The following TBC1D30 variants were observed in gnomAD, a reference collection of about 807,000 sequenced individuals.
TBC1D30 encodes the protein TBC1 domain family, member 30.
TBC1D30 carries 31 observed loss-of-function variants against 63.2 expected under a neutral mutation model. The ratio of observed to expected loss-of-function variants is 0.49; its 90% CI spans 0.37 to 0.66. TBC1D30 has a LOEUF of 0.66. Among genes scored for constraint, TBC1D30 ranks in the 30% least tolerant of loss-of-function variants. The pLI, the probability that TBC1D30 is intolerant of heterozygous loss-of-function variation, is 0.00. For synonymous variants in TBC1D30, 307 were observed against 361.5 expected (o/e 0.85, Z 1.71); for missense variants, 810 against 953.6 (o/e 0.85, Z 1.98).
intron 2 of TBC1D30, among the ~76,000 whole-genome samples, chr12:64,807,408 T>G (rs1296895210): frequency 6.6e-6 from 1 of 152,178 alleles, no homozygotes; most frequent in African/African-American, 2.4e-5. Context: ...TGGAGAGTTG[T>G]TGTTTAATGT....
At chr12:64,790,683 T>A (rs1205423036) in intron 2 of TBC1D30, among the ~76,000 whole-genome samples, 13 of 152,248 alleles carry the variant, frequency 8.5e-5, no homozygotes, top group Non-Finnish European at 1.9e-4. Context: ...GATAATAATG[T>A]GATTAAATCT....
chr12:64,778,637 A>C (rs1182181629), upstream of TBC1D30, among the ~76,000 whole-genome samples: 1 of 146,316 alleles, frequency 6.8e-6, no homozygotes, highest in Non-Finnish European at 1.5e-5. Flanking sequence ...GCTCACTGCA[A>C]CCTCCGCCTC....
intron 2 of TBC1D30, among the ~76,000 whole-genome samples, chr12:64,812,503 C>G (rs1417922124): frequency 6.6e-6 from 1 of 152,140 alleles, no homozygotes; most frequent in African/African-American, 2.4e-5. Flanking sequence ...TAAGCCACAA[C>G]TGGAAGAATT....
chr12:64,759,507 G>T (rs866452275), exon 1 of TBC1D30: 6 of 506,128 alleles, frequency 1.2e-5, no homozygotes, highest in South Asian at 6.4e-5. Flanking sequence ...GACTGGCGCA[G>T]CCTGGAGGGA....
In TBC1D30 at chr12:64,875,758, C is replaced by T. The variant is rs746624337; in HGVS notation, c.2256C>T (p.Gly752=). 56 of 1,532,264 alleles carry T rather than the reference C, an allele frequency of 3.7e-5. No homozygotes were observed. The highest frequency in any genetic ancestry group is 1.7e-4 in the Middle Eastern group (1 of 5,972). The allele number at this position is 1,532,264 out of a possible 1,614,324, so 94.9% of individuals were successfully genotyped here. The change falls in exon 12 of 12, where the codon GGC becomes GGT. Residue 752 remains glycine (G), a synonymous_variant. Coordinates refer to ENST00000539867, the MANE Select transcript of TBC1D30 (RefSeq NM_015279.2). ...PQMSRSFSKP[G]GGNSGTKKR is the part of the protein sequence containing the mutation. ...TGAGTAGGAGCTTCAGCAAACCCGG[C>T]GGTGGAAACAGTGGCACTAAAAAAC...
At chr12:64,838,182 A>G (rs1875535620) in intron 6 of TBC1D30, among the ~76,000 whole-genome samples, 2 of 152,220 alleles carry the variant, frequency 1.3e-5, no homozygotes, top group Admixed American at 1.3e-4. Flanking sequence ...GGGATTTGCC[A>G]GCTATCTTTC....
chr12:64,763,853 C>T (rs1048521780), intron 1 of TBC1D30, among the ~76,000 whole-genome samples: 4 of 152,172 alleles, frequency 2.6e-5, no homozygotes, highest in African/African-American at 9.7e-5. Flanking sequence ...TGGTCTTGAA[C>T]TCCTGACCTC....
At chr12:64,866,263 G>A (rs1470115523) in intron 9 of TBC1D30, among the ~76,000 whole-genome samples, 1 of 152,144 alleles carries the variant, frequency 6.6e-6, no homozygotes, top group Non-Finnish European at 1.5e-5. Flanking sequence ...AAAGCATGTA[G>A]TCATATTTGC....
In TBC1D30 at chr12:64,873,976, C is replaced by G. The variant is rs543935774; in HGVS notation, c.1499-1025C>G. 3.9e-5 allele frequency among the ~76,000 whole-genome samples: 6 copies of G among 152,308 alleles called. No homozygotes were observed. In the South Asian group the frequency reaches 8.3e-4, roughly 21 times the overall value. On this transcript the variant is annotated intron_variant, in intron 11 of 11. Coordinates refer to ENST00000539867, the MANE Select transcript of TBC1D30 (RefSeq NM_015279.2). ...TTCTCCCTACAATTTCTGTCTGCAG[C>G]TGCCATCCTGGGACCATGTGTGTTG...
intron 2 of TBC1D30, among the ~76,000 whole-genome samples, chr12:64,806,632 A>G (rs1000948789): frequency 9.2e-5 from 14 of 152,204 alleles, no homozygotes; most frequent in African/African-American, 3.1e-4. Flanking sequence ...TCCTCAAAAA[A>G]TAAAAATAGA....
intron 2 of TBC1D30, among the ~76,000 whole-genome samples, chr12:64,813,463 T>C (rs1172881150): frequency 6.6e-6 from 1 of 152,166 alleles, no homozygotes; most frequent in African/African-American, 2.4e-5. Flanking sequence ...ATTTTCTGGA[T>C]GAGGAAACTG....
chr12:64,831,036 G>A (rs1210176043), intron 4 of TBC1D30, among the ~76,000 whole-genome samples: 3 of 152,180 alleles, frequency 2.0e-5, no homozygotes, highest in Non-Finnish European at 4.4e-5. Context: ...TAAAAGCCAA[G>A]GATACTGATT....
At chr12:64,863,407 C>T (rs942137166) in intron 8 of TBC1D30, among the ~76,000 whole-genome samples, 3 of 152,152 alleles carry the variant, frequency 2.0e-5, no homozygotes, top group Non-Finnish European at 4.4e-5. Flanking sequence ...TTTCTTGGGG[C>T]ACAGTTTATT....
chr12:64,787,732 T>A (rs1043155144), intron 2 of TBC1D30, among the ~76,000 whole-genome samples: 2 of 152,178 alleles, frequency 1.3e-5, no homozygotes, highest in Admixed American at 1.3e-4. Context: ...TTTTACCTAA[T>A]AGATATTAAC....
chr12:64,843,766 C>G (rs1876109930), intron 8 of TBC1D30, among the ~76,000 whole-genome samples: 1 of 152,078 alleles, frequency 6.6e-6, no homozygotes, highest in African/African-American at 2.4e-5. Flanking sequence ...ACAAAATCAC[C>G]AAGTGCTTAT....
chr12:64,859,168 G>GGA (rs1329420946), intron 8 of TBC1D30, among the ~76,000 whole-genome samples: 2 of 151,960 alleles, frequency 1.3e-5, no homozygotes, highest in African/African-American at 4.8e-5. Context: ...GGTGCAGAGT[G>GGA]GAGAGTCAAT....
upstream of TBC1D30, among the ~76,000 whole-genome samples, chr12:64,776,500 A>G (rs548013459): frequency 4.9e-4 from 74 of 152,310 alleles, no homozygotes; most frequent in Admixed American, 1.3e-3. Context: ...ATAAACTAGA[A>G]AATCTAAAAG....
chr12:64,826,824 C>A (rs898357674), intron 1 of TBC1D30, among the ~76,000 whole-genome samples: 22 of 152,338 alleles, frequency 1.4e-4, no homozygotes, highest in African/African-American at 5.3e-4. Context: ...TTACAGCGCT[C>A]TTCCAGGGTT....
Position 64,879,134 on chromosome 12 carries a change from T to C in TBC1D30, c.*3346T>C, listed in dbSNP as rs966109942. ...GGGAAAACAAAAAGAGCATAAAGAA[T>C]CATCAATACTCTGATATAGATATAG... On this transcript the variant is annotated 3_prime_UTR_variant, in exon 12 of 12. Coordinates refer to ENST00000539867, the MANE Select transcript of TBC1D30 (RefSeq NM_015279.2). 6.6e-6 allele frequency: 1 copy of C among 152,658 alleles called. No homozygotes were observed. Among genetic ancestry groups the C allele is most frequent in the Non-Finnish European group, 1.5e-5 (1 of 68,382 alleles). The allele number at this position is 152,658 out of a possible 1,614,324, so 9.5% of individuals were successfully genotyped here.
Sources: gnomAD v4.1 joint callset for allele counts (sites outside exome capture counted in the v4.1 genomes callset) on GRCh38, gnomAD v4.1.1 for gene constraint, MANE v1.5 for transcripts, NCBI Gene and HGNC (gene_info 2026-07-23, HGNC 2026-07-21) for gene names.